ZNF474: variants seen among roughly 807,000 people sequenced by gnomAD.
The protein encoded by ZNF474 is zinc finger protein 474.
For missense variants in ZNF474, 511 were observed against 433.8 expected (o/e 1.18, Z -1.58); for synonymous variants, 192 against 162.2 (o/e 1.18, Z -1.39).
At position 122,152,295 on chromosome 5, in the gene ZNF474, G is replaced by A. The variant is rs764265906; in HGVS notation, c.305G>A (p.Arg102Gln). ...TTCCGGGTATGCTATATCTGTGGCC[G>A]AGAATTTGGGTCCCAGTCAATTGCC... ...PGFRVCYICG[R>Q]EFGSQSIAIH... The change falls in exon 2 of 2, where the codon CGA becomes CAA. Residue 102 changes from arginine to glutamine, a missense_variant. Transcript: ENST00000296600. The A allele has an allele frequency of 1.7e-4, 274 of 1,614,086 alleles. No individual in the cohort carries two copies. In the Admixed American group the frequency reaches 3.4e-3, roughly 20 times the overall value.
chr5:122,131,047 A>G (rs1580593552), intron 1 of ZNF474, among the ~76,000 whole-genome samples: 1 of 152,260 alleles, frequency 6.6e-6, no homozygotes, highest in Middle Eastern at 3.4e-3. Flanking sequence ...ACAGGTAGGT[A>G]TATGAAGATG....
At chr5:122,148,433 A>T (rs966038763) in intron 1 of ZNF474, among the ~76,000 whole-genome samples, 5 of 152,250 alleles carry the variant, frequency 3.3e-5, no homozygotes, top group African/African-American at 1.2e-4. Flanking sequence ...AAATATTTGC[A>T]GTGCACAAAT....
chr5:122,129,910 A>G (rs116742477), intron 1 of ZNF474, among the ~76,000 whole-genome samples: 1 of 152,216 alleles, frequency 6.6e-6, no homozygotes, highest in Non-Finnish European at 1.5e-5. Context: ...CTCAAGTATT[A>G]CTAAACAAAA....
At position 122,148,936 on chromosome 5, in the gene ZNF474, G is replaced by C. The variant is rs540767766; in HGVS notation, c.-212-2843G>C. ...GTAGAGACGGGGATTCACCATGCTGGCCAGGCTGGTCTCAAACTCCAGACC... is the reference window on the plus strand; with the variant it reads ...GTAGAGACGGGGATTCACCATGCTGCCCAGGCTGGTCTCAAACTCCAGACC... On this transcript the variant is annotated intron_variant, in intron 1 of 1. Transcript: ENST00000296600. Among the ~76,000 whole-genome samples, 6 of 152,108 alleles carry C rather than the reference G, an allele frequency of 3.9e-5. No homozygotes were observed. In the East Asian group the frequency reaches 1.2e-3, roughly 30 times the overall value.
intron 1 of ZNF474, among the ~76,000 whole-genome samples, chr5:122,150,543 C>T (rs1372337342): frequency 6.6e-6 from 1 of 152,140 alleles, no homozygotes; most frequent in Non-Finnish European, 1.5e-5. Flanking sequence ...GTAGAGGATC[C>T]AGCTTCATAC....
chr5:122,132,110 A>G (rs945898253), intron 1 of ZNF474, among the ~76,000 whole-genome samples: 12 of 152,070 alleles, frequency 7.9e-5, no homozygotes, highest in African/African-American at 2.7e-4. Flanking sequence ...TTAGCATTTG[A>G]CTTTTTCGGC....
rs145478648 is a variant in ZNF474 at position 122,153,179 on chromosome 5, A to C, written c.*94A>C. Reference sequence around the variant, plus strand: ...GTATCAGCCTCAAAGCAGCCTGTTCAAGTTAACTCCCTGTTGAACTCCAGG... The same window carrying C: ...GTATCAGCCTCAAAGCAGCCTGTTCCAGTTAACTCCCTGTTGAACTCCAGG... On this transcript the variant is annotated 3_prime_UTR_variant, in exon 2 of 2. Transcript: ENST00000296600. 3.5e-4 allele frequency: 515 copies of C among 1,492,490 alleles called. 5 individuals are homozygous for C. The African/African-American group carries it at 5.8e-3, about 17-fold the overall frequency. The allele number at this position is 1,492,490 out of a possible 1,614,324, so 92.5% of individuals were successfully genotyped here.
At chr5:122,136,870 C>T (rs1037806888) in intron 1 of ZNF474, among the ~76,000 whole-genome samples, 2 of 152,160 alleles carry the variant, frequency 1.3e-5, no homozygotes, top group African/African-American at 4.8e-5. Flanking sequence ...TAATCTCACT[C>T]AGCTAGGTCA....
At chr5:122,147,921 G>C (rs1400909377) in intron 1 of ZNF474, 1 of 152,176 alleles carries the variant, frequency 6.6e-6, no homozygotes, top group Non-Finnish European at 1.5e-5. Context: ...TGCCTTCCAG[G>C]ACATTCTGTA....
At chr5:122,142,866 C>G (rs1755883325) in intron 1 of ZNF474, among the ~76,000 whole-genome samples, 1 of 152,174 alleles carries the variant, frequency 6.6e-6, no homozygotes, top group Non-Finnish European at 1.5e-5. Context: ...TCTCCAGAGT[C>G]ACTGCCAGGA....
At chr5:122,134,884 C>A (rs1281216485) in intron 1 of ZNF474, among the ~76,000 whole-genome samples, 1 of 152,096 alleles carries the variant, frequency 6.6e-6, no homozygotes, top group East Asian at 1.9e-4. Flanking sequence ...AAACATAAAA[C>A]TATAAAACTT....
intron 1 of ZNF474, among the ~76,000 whole-genome samples, chr5:122,143,946 T>C (rs2152605443): frequency 6.6e-6 from 1 of 152,256 alleles, no homozygotes; most frequent in Middle Eastern, 3.4e-3. Context: ...CAAAACACAA[T>C]TTTGTCTGTT....
intron 1 of ZNF474, among the ~76,000 whole-genome samples, chr5:122,133,009 A>G (rs1453007919): frequency 2.0e-5 from 3 of 152,304 alleles, no homozygotes; most frequent in East Asian, 3.9e-4. Context: ...TCCTCCTTGC[A>G]TGTTGCCCAA....
intron 1 of ZNF474, among the ~76,000 whole-genome samples, chr5:122,132,430 C>T (rs1332672371): frequency 1.3e-5 from 2 of 151,828 alleles, no homozygotes; most frequent in Admixed American, 1.3e-4. Flanking sequence ...ATATGTCTTG[C>T]AAACAGTTCT....
intron 1 of ZNF474, among the ~76,000 whole-genome samples, chr5:122,144,274 T>C (rs888483481): frequency 3.9e-5 from 6 of 152,246 alleles, no homozygotes; most frequent in Admixed American, 3.9e-4. Context: ...GATTCTCAGT[T>C]CCTTGAAGTG....
At chr5:122,135,452 A>T (rs1371281122) in intron 1 of ZNF474, among the ~76,000 whole-genome samples, 3 of 152,220 alleles carry the variant, frequency 2.0e-5, no homozygotes, top group Admixed American at 6.5e-5. Flanking sequence ...ATATCATCTC[A>T]TCTCAGGTAA....
chr5:122,148,108 T>C (rs1756038548), intron 1 of ZNF474: 1 of 152,242 alleles, frequency 6.6e-6, no homozygotes, highest in African/African-American at 2.4e-5. Flanking sequence ...GATTTAAGTA[T>C]ATGCATTTAG....
chr5:122,134,365 G>A (rs1755647728), intron 1 of ZNF474, among the ~76,000 whole-genome samples: 1 of 152,162 alleles, frequency 6.6e-6, no homozygotes, highest in African/African-American at 2.4e-5. Context: ...GCACTTAGTA[G>A]GATTCTGGTT....
chr5:122,141,300 A>ATTTTTTTTTT lies in ZNF474; in HGVS notation c.-212-10463_-212-10454dup, dbSNP rs368273210. 9.6e-4 allele frequency among the ~76,000 whole-genome samples: 62 copies of ATTTTTTTTTT among 64,360 alleles called. 4 individuals are homozygous for ATTTTTTTTTT. The highest frequency in any genetic ancestry group is 4.0e-3 in the African/African-American group (54 of 13,586). The allele number at this position is 64,360 out of a possible 152,430, so 42.2% of individuals were successfully genotyped here. On this transcript the variant is annotated intron_variant, in intron 1 of 1. Coordinates refer to ENST00000296600, the MANE Select transcript of ZNF474 (RefSeq NM_207317.3). ...CGAGTAGCTGGGATTACCCCTGGCTATTTTTTTTTTTTTTTTTTTTTTTTT... is the reference window on the plus strand; with the variant it reads ...CGAGTAGCTGGGATTACCCCTGGCTATTTTTTTTTTTTTTTTTTTTTTTTTTTTTTTTTTT...
Sources: allele counts gnomAD v4.1 joint callset (sites outside exome capture counted in the v4.1 genomes callset), GRCh38; gene constraint gnomAD v4.1.1; transcripts MANE v1.5; gene names NCBI Gene and HGNC (gene_info 2026-07-23, HGNC 2026-07-21).